Variants in NPAS3 observed in about 807,000 individuals in gnomAD.
NPAS3 encodes the protein neuronal PAS domain protein 3, also known as neuronal PAS domain-containing protein 3.
NPAS3 carries 14 observed loss-of-function variants against 73.1 expected under a neutral mutation model. The observed-to-expected ratio is 0.19, with a 90% CI of 0.13 to 0.30. The LOEUF is 0.30. Among genes scored for constraint, NPAS3 ranks in the 10% least tolerant of loss-of-function variants. The pLI is 1.00. For synonymous variants in NPAS3, 620 were observed against 541.5 expected (o/e 1.14, Z -2.01); for missense variants, 1,096 against 1,250.0 (o/e 0.88, Z 1.86).
At position 33,514,283 on chromosome 14, in the gene NPAS3, C is replaced by T. The variant is rs141435621; in HGVS notation, c.469-45838C>T. On this transcript the variant is annotated intron_variant, in intron 4 of 11. Transcript: ENST00000356141. Reference sequence around the variant, plus strand: ...CACATAGACAGGGCAGCTTGTCCCACACCTCTTTGTCTCTAAATCCAACCT... The same window carrying T: ...CACATAGACAGGGCAGCTTGTCCCATACCTCTTTGTCTCTAAATCCAACCT... Among the ~76,000 whole-genome samples, 59 of 152,150 alleles carry T rather than the reference C, an allele frequency of 3.9e-4. 1 individual carries two copies. Among genetic ancestry groups the T allele is most frequent in the African/African-American group, 1.4e-3 (58 of 41,566 alleles).
intron 3 of NPAS3, among the ~76,000 whole-genome samples, chr14:33,320,536 C>T (rs912813821): frequency 5.9e-5 from 9 of 152,082 alleles, no homozygotes; most frequent in Admixed American, 6.6e-5. Flanking sequence ...TTGTTCAGGT[C>T]GTGAGCATCT....
chr14:33,311,294 T>A (rs1414677141), intron 3 of NPAS3, among the ~76,000 whole-genome samples: 2 of 152,078 alleles, frequency 1.3e-5, no homozygotes, highest in African/African-American at 4.8e-5. Flanking sequence ...AGCACCCACA[T>A]CTGTTTGTAT....
intron 3 of NPAS3, among the ~76,000 whole-genome samples, chr14:33,257,231 G>C (rs243297): frequency 0.52 from 79,571 of 151,980 alleles, 21,408 homozygotes; most frequent in Admixed American, 0.66. Context: ...CTTCCTGCTT[G>C]CATGTCTGTG....
chr14:32,957,160 A>G (rs763091913), intron 1 of NPAS3, among the ~76,000 whole-genome samples: 1 of 152,168 alleles, frequency 6.6e-6, no homozygotes, highest in Non-Finnish European at 1.5e-5. Context: ...TGCCATCTCT[A>G]TACTATGCTC....
intron 2 of NPAS3, among the ~76,000 whole-genome samples, chr14:33,101,371 T>A (rs1046469626): frequency 6.6e-6 from 1 of 152,122 alleles, no homozygotes; most frequent in African/African-American, 2.4e-5. Context: ...AGAGTGCAGG[T>A]GTATTGTAAA....
At chr14:33,440,453 A>G (rs933527041) in intron 4 of NPAS3, among the ~76,000 whole-genome samples, 2 of 152,202 alleles carry the variant, frequency 1.3e-5, no homozygotes, top group Non-Finnish European at 2.9e-5. Flanking sequence ...GGTATTGACC[A>G]AAGTATGATT....
chr14:33,693,096 T>C lies in NPAS3; in HGVS notation c.733+16711T>C, dbSNP rs140134766. 3.8e-3 allele frequency among the ~76,000 whole-genome samples: 584 copies of C among 152,326 alleles called. 4 individuals are homozygous for C. The highest frequency in any genetic ancestry group is 0.014 in the African/African-American group (572 of 41,578). On this transcript the variant is annotated intron_variant, in intron 6 of 11. Coordinates refer to ENST00000356141, the Ensembl canonical transcript of NPAS3. The stretch of plus-strand genomic sequence containing the variant: ...ATTGATTGAAATTAATGAGATTTAC[T>C]GGAGTAAAGGAATTATATCCATCCT...
chr14:33,207,267 GCACA>G (rs34164980), intron 2 of NPAS3, among the ~76,000 whole-genome samples: 1,243 of 16,944 alleles, frequency 0.073, 20 homozygotes, highest in African/African-American at 0.12. Context: ...ACACACACAC[GCACA>G]CACACACACA....
chr14:33,784,745 A>ATTTTTAT (rs2063103438), intron 9 of NPAS3, among the ~76,000 whole-genome samples: 1 of 73,840 alleles, frequency 1.4e-5, no homozygotes, highest in African/African-American at 6.3e-5. Flanking sequence ...TTATTTATTT[A>ATTTTTAT]TTTTTTTTTT....
chr14:33,404,898 G>T (rs1272456806), intron 4 of NPAS3, among the ~76,000 whole-genome samples: 1 of 152,058 alleles, frequency 6.6e-6, no homozygotes, highest in Non-Finnish European at 1.5e-5. Context: ...ATGTGGATGT[G>T]GGAGTTTTCC....
Position 33,472,630 on chromosome 14 carries a change from T to C in NPAS3, c.469-87491T>C, listed in dbSNP as rs373787409. Among the ~76,000 whole-genome samples the C allele has an allele frequency of 4.2e-5, 6 of 144,232 alleles. No homozygotes were observed. The South Asian group carries it at 1.2e-3, about 30-fold the overall frequency. 94.6% of individuals were successfully genotyped at this position (144,232 alleles called of 152,430 possible). ...TGAATCAGCTGATAGCAGTGGAGGT[T>C]AGTGAGAAATGATCACATTCTGTAT... On this transcript the variant is annotated intron_variant, in intron 4 of 11. Transcript: ENST00000356141.
intron 7 of NPAS3, among the ~76,000 whole-genome samples, chr14:33,760,347 C>T (rs544649508): frequency 5.1e-4 from 78 of 152,282 alleles, no homozygotes; most frequent in African/African-American, 1.8e-3. Flanking sequence ...GCTCATCTTT[C>T]CCCCTTTATC....
chr14:33,228,880 A>G (rs138197439), intron 3 of NPAS3, among the ~76,000 whole-genome samples: 2 of 152,262 alleles, frequency 1.3e-5, no homozygotes, highest in Non-Finnish European at 2.9e-5. Context: ...ATCATAATGA[A>G]TATGTATACA....
intron 3 of NPAS3, among the ~76,000 whole-genome samples, chr14:33,314,749 T>C (rs1185398831): frequency 6.6e-6 from 1 of 152,058 alleles, no homozygotes; most frequent in Non-Finnish European, 1.5e-5. Context: ...CTTCTACCTT[T>C]ACTATCTAAC....
chr14:33,133,036 G>C (rs921339278), intron 2 of NPAS3, among the ~76,000 whole-genome samples: 5 of 152,112 alleles, frequency 3.3e-5, no homozygotes, highest in African/African-American at 7.2e-5. Context: ...ACTGTGATTA[G>C]ATAGGTGGGA....
Position 33,121,283 on chromosome 14 carries a change from C to T in NPAS3, c.140+65289C>T, listed in dbSNP as rs565497565. ...CCTGATGACTTTTATTCATACTTGA[C>T]GAACCAGTTCCTACGTCTTTGAGAT... On this transcript the variant is annotated intron_variant, in intron 2 of 11. Coordinates refer to ENST00000356141, the Ensembl canonical transcript of NPAS3. 5.3e-5 allele frequency among the ~76,000 whole-genome samples: 8 copies of T among 152,256 alleles called. No individual in the cohort carries two copies. In the South Asian group the frequency reaches 1.2e-3, roughly 24 times the overall value.
chr14:32,963,448 A>G (rs1164864170), intron 1 of NPAS3, among the ~76,000 whole-genome samples: 1 of 152,218 alleles, frequency 6.6e-6, no homozygotes, highest in East Asian at 1.9e-4. Flanking sequence ...GCTTTTTCAG[A>G]CAGGTTATCC....
chr14:33,331,126 C>A (rs921781621), intron 3 of NPAS3, among the ~76,000 whole-genome samples: 2 of 152,110 alleles, frequency 1.3e-5, no homozygotes, highest in Non-Finnish European at 2.9e-5. Flanking sequence ...TCTTGAAATT[C>A]AAGCTTGTAA....
At chr14:33,190,155 T>G (rs973788096) in intron 2 of NPAS3, among the ~76,000 whole-genome samples, 3 of 152,232 alleles carry the variant, frequency 2.0e-5, no homozygotes, top group Non-Finnish European at 4.4e-5. Flanking sequence ...TACTTTTCCC[T>G]ATACATCTGG....
Sources: gnomAD v4.1 joint callset for allele counts (sites outside exome capture counted in the v4.1 genomes callset) on GRCh38, gnomAD v4.1.1 for gene constraint, MANE v1.5 for transcripts, NCBI Gene and HGNC (gene_info 2026-07-23, HGNC 2026-07-21) for gene names.